Variants in ZMAT4 observed in about 807,000 individuals in gnomAD.
The protein encoded by ZMAT4 is zinc finger matrin-type 4.
ZMAT4 carries 17 observed loss-of-function variants against 28.7 expected under a neutral mutation model. That is an observed-to-expected ratio of 0.59 (90% confidence interval 0.41 to 0.89). ZMAT4 has a LOEUF of 0.89. ZMAT4 is among the 40% of genes least tolerant of loss of function. The pLI is 0.00. For missense variants in ZMAT4, 240 were observed against 283.8 expected, an observed-to-expected ratio of 0.85 and a Z score of 1.11; for synonymous variants, 117 against 109.2, an observed-to-expected ratio of 1.07 and a Z score of -0.44.
At chr8:40,750,505 A>G (rs1812413477) in intron 3 of ZMAT4, among the ~76,000 whole-genome samples, 1 of 152,220 alleles carries the variant, frequency 6.6e-6, no homozygotes, top group South Asian at 2.1e-4. Flanking sequence ...AGAGATGAAG[A>G]CAAATGGACC....
intron 3 of ZMAT4, among the ~76,000 whole-genome samples, chr8:40,754,909 C>T (rs958741275): frequency 8.7e-4 from 133 of 152,072 alleles, no homozygotes; most frequent in African/African-American, 3.1e-3. Context: ...CTGTGGTCTG[C>T]GTAATTTGGA....
At chr8:40,825,344 TA>T (rs933870966) in intron 2 of ZMAT4, among the ~76,000 whole-genome samples, 1 of 151,958 alleles carries the variant, frequency 6.6e-6, no homozygotes, top group Non-Finnish European at 1.5e-5. Flanking sequence ...ATACAAATTT[TA>T]AAAAAAGGAT....
intron 3 of ZMAT4, among the ~76,000 whole-genome samples, chr8:40,729,250 A>G (rs1811433161): frequency 6.6e-6 from 1 of 152,170 alleles, no homozygotes; most frequent in Non-Finnish European, 1.5e-5. Flanking sequence ...TCTGTACTCT[A>G]GGAGGTACGG....
chr8:40,695,451 G>A (rs1201352120), intron 4 of ZMAT4, among the ~76,000 whole-genome samples: 3 of 152,200 alleles, frequency 2.0e-5, no homozygotes, highest in Admixed American at 2.0e-4. Context: ...GGGGGAGCTG[G>A]CGCAAGGCAG....
In ZMAT4 at chr8:40,825,643, T is replaced by C; in HGVS notation, c.34A>G (p.Thr12Ala). 1 of 1,555,482 alleles carries C rather than the reference T, an allele frequency of 6.4e-7. No homozygotes were observed. Among genetic ancestry groups the C allele is most frequent in the Non-Finnish European group, 8.7e-7 (1 of 1,148,430 alleles). ...KSSDIDQDLF[T>A]DSYCKVCSAQ... ...CTGCACACCTTGCAGTAACTGTCTG[T>C]GAATAAATCCTGATCAATATCGGAG... Residue 12 changes from threonine to alanine, a missense_variant, in exon 2 of 7, where the codon ACA (threonine) becomes GCA (alanine). By Grantham distance (58) the Thr-to-Ala change is moderately conservative. Coordinates refer to ENST00000297737, the MANE Select transcript of ZMAT4 (RefSeq NM_024645.3).
rs60779807 is a variant in ZMAT4, at chr8:40,824,715, T to TGAAAGAAAGAAAGAAA, written c.102+844_102+859dup. Among the ~76,000 whole-genome samples the TGAAAGAAAGAAAGAAA allele has an allele frequency of 9.1e-5, 10 of 110,382 alleles. No homozygotes were observed. In the East Asian group the frequency reaches 9.6e-4, roughly 11 times the overall value. 72.4% of individuals were successfully genotyped at this position (110,382 alleles called of 152,430 possible). A position where few individuals can be genotyped will look rare whatever the true frequency, so the allele number is the denominator to read the frequency against. On this transcript the variant is annotated intron_variant, in intron 2 of 6. Coordinates refer to ENST00000297737, the MANE Select transcript of ZMAT4 (RefSeq NM_024645.3). ...ATAAAGAAAGAAAGAAAAGAAAGAA[T>TGAAAGAAAGAAAGAAA]GAAAGAAAGAAAGAAAGAAGAAAGA... is the stretch of plus-strand genomic sequence containing the variant.
chr8:40,881,860 A>T (rs1467640789), intron 1 of ZMAT4, among the ~76,000 whole-genome samples: 3 of 152,160 alleles, frequency 2.0e-5, no homozygotes, highest in African/African-American at 7.2e-5. Context: ...GTGCACAGTC[A>T]GGCCAGCCAC....
At chr8:40,737,099 A>G (rs867399966) in intron 3 of ZMAT4, among the ~76,000 whole-genome samples, 6 of 152,246 alleles carry the variant, frequency 3.9e-5, no homozygotes, top group African/African-American at 7.2e-5. Flanking sequence ...AGCAAATAAA[A>G]CAACACAGAG....
In ZMAT4 at chr8:40,626,966, G is replaced by T. The variant is rs142222762; in HGVS notation, c.578-45705C>A. ...CAAATTTAGGACATATGACTCTAAA[G>T]CTTCTCCTAATAACCCTGCTCTGAA... On this transcript the variant is annotated intron_variant, in intron 5 of 6. Transcript: ENST00000297737. 5.0e-3 allele frequency among the ~76,000 whole-genome samples: 754 copies of T among 152,264 alleles called. 6 individuals are homozygous for T. The highest frequency in any genetic ancestry group is 0.017 in the African/African-American group (713 of 41,544).
Position 40,603,356 on chromosome 8 carries a change from G to C in ZMAT4, c.578-22095C>G, listed in dbSNP as rs1271439588. 1.1e-3 allele frequency among the ~76,000 whole-genome samples: 167 copies of C among 152,174 alleles called. 2 individuals carry two copies. Among genetic ancestry groups the C allele is most frequent in the Non-Finnish European group, 1.2e-4 (8 of 68,026 alleles). On this transcript the variant is annotated intron_variant, in intron 5 of 6. Transcript: ENST00000297737. ...ATATTATACTTTGAAGTCAGGTAAT[G>C]TGATGTCTCCAGATTTGTTCTTTTT...
intron 1 of ZMAT4, among the ~76,000 whole-genome samples, chr8:40,843,360 G>A (rs985324212): frequency 6.6e-6 from 1 of 152,170 alleles, no homozygotes; most frequent in Non-Finnish European, 1.5e-5. Context: ...GAGCTGGCTG[G>A]ATCAGAGACC....
intron 2 of ZMAT4, among the ~76,000 whole-genome samples, chr8:40,818,107 G>A (rs1239018752): frequency 1.3e-5 from 2 of 152,150 alleles, no homozygotes; most frequent in East Asian, 1.9e-4. Context: ...GCTCTTAGCC[G>A]TGTGCATATT....
intron 5 of ZMAT4, among the ~76,000 whole-genome samples, chr8:40,648,968 T>A (rs1807491470): frequency 7.1e-6 from 1 of 141,088 alleles, no homozygotes; most frequent in East Asian, 2.2e-4. Flanking sequence ...TGCTGCAAAA[T>A]CATGCCAAAA....
intron 3 of ZMAT4, among the ~76,000 whole-genome samples, chr8:40,698,528 G>A (rs1318544365): frequency 6.6e-6 from 1 of 152,142 alleles, no homozygotes; most frequent in Non-Finnish European, 1.5e-5. Flanking sequence ...GCCCCACAAT[G>A]GCCGCTTCTC....
chr8:40,733,447 T>G (rs1429953446), intron 3 of ZMAT4, among the ~76,000 whole-genome samples: 1 of 152,244 alleles, frequency 6.6e-6, no homozygotes, highest in East Asian at 1.9e-4. Flanking sequence ...ACAGGACTTG[T>G]GTTAATATTA....
intron 6 of ZMAT4, among the ~76,000 whole-genome samples, chr8:40,551,982 G>A (rs1055821645): frequency 1.3e-5 from 2 of 152,128 alleles, no homozygotes; most frequent in African/African-American, 4.8e-5. Flanking sequence ...AAATGTGCAC[G>A]CCTTAAGAAC....
Position 40,645,259 on chromosome 8 carries a change from A to G in ZMAT4, c.577+29445T>C, listed in dbSNP as rs73609583. ...AAATCTAAAACTATTCTAAAATAAA[A>G]TGTTTATTTAGAAGATAAATAAGAC... On this transcript the variant is annotated intron_variant, in intron 5 of 6. Coordinates refer to ENST00000297737, the MANE Select transcript of ZMAT4 (RefSeq NM_024645.3). 7.8e-3 allele frequency among the ~76,000 whole-genome samples: 1,193 copies of G among 152,276 alleles called. 12 individuals carry two copies. Among genetic ancestry groups the G allele is most frequent in the African/African-American group, 0.027 (1,133 of 41,568 alleles).
intron 2 of ZMAT4, among the ~76,000 whole-genome samples, chr8:40,783,909 G>A (rs955371254): frequency 2.0e-5 from 3 of 152,200 alleles, no homozygotes; most frequent in Non-Finnish European, 4.4e-5. Flanking sequence ...TACTTGGGAG[G>A]TTGAGGCAGG....
intron 1 of ZMAT4, among the ~76,000 whole-genome samples, chr8:40,862,194 G>A (rs1357818723): frequency 1.3e-5 from 2 of 152,214 alleles, no homozygotes; most frequent in African/African-American, 4.8e-5. Flanking sequence ...TGATAGACTG[G>A]ATTAAGAAAA....
Sources: allele counts gnomAD v4.1 joint callset (sites outside exome capture counted in the v4.1 genomes callset), GRCh38; gene constraint gnomAD v4.1.1; transcripts MANE v1.5; gene names NCBI Gene and HGNC (gene_info 2026-07-23, HGNC 2026-07-21).